Variants in AJAP1 observed in about 807,000 individuals in gnomAD.
AJAP1 encodes the protein adherens junction-associated protein 1.
Under a neutral mutation model 35.0 loss-of-function variants are expected in AJAP1, and 5 were observed. The ratio of observed to expected loss-of-function variants is 0.14; its 90% CI spans 0.07 to 0.30. The LOEUF (loss-of-function observed/expected upper bound fraction) is 0.30, where lower values mean the gene tolerates loss of function less well. Ranked by LOEUF, AJAP1 falls within the 10% of genes least tolerant of loss-of-function variation. AJAP1 has a pLI of 1.00. For synonymous variants in AJAP1, 284 were observed against 249.3 expected (o/e 1.14, Z -1.31); for missense variants, 586 against 571.0 (o/e 1.03, Z -0.27).
At chr1:4,657,473 C>T (rs1162210961) in intron 1 of AJAP1, among the ~76,000 whole-genome samples, 1 of 152,156 alleles carries the variant, frequency 6.6e-6, no homozygotes, top group Non-Finnish European at 1.5e-5. Context: ...TCACAATGGG[C>T]ACCTGGGGAC....
chr1:4,710,837 G>C (rs1010586164), intron 1 of AJAP1, among the ~76,000 whole-genome samples: 1 of 152,224 alleles, frequency 6.6e-6, no homozygotes, highest in Non-Finnish European at 1.5e-5. Flanking sequence ...CCGCGCCCTG[G>C]TTTTCATGTG....
intron 1 of AJAP1, among the ~76,000 whole-genome samples, chr1:4,695,716 C>T (rs1446205407): frequency 6.6e-6 from 1 of 152,164 alleles, no homozygotes; most frequent in Non-Finnish European, 1.5e-5. Flanking sequence ...GGTCTTGGCT[C>T]TGTGTGTCTG....
At chr1:4,673,865 C>T (rs990706028) in intron 1 of AJAP1, among the ~76,000 whole-genome samples, 2 of 151,812 alleles carry the variant, frequency 1.3e-5, no homozygotes, top group African/African-American at 4.8e-5. Context: ...TACTCCTGAG[C>T]CAGGAGCGAG....
chr1:4,658,658 AC>A (rs1291603935), intron 1 of AJAP1, among the ~76,000 whole-genome samples: 2 of 151,864 alleles, frequency 1.3e-5, no homozygotes, highest in South Asian at 2.1e-4. Context: ...ATCGGTACAT[AC>A]CCCCCTTTCA....
At chr1:4,735,220 A>C (rs1045088573) in intron 2 of AJAP1, among the ~76,000 whole-genome samples, 2 of 152,202 alleles carry the variant, frequency 1.3e-5, no homozygotes, top group African/African-American at 2.4e-5. Context: ...AAGACAAGAA[A>C]AGCATACTGG....
chr1:4,765,074 G>A (rs181225182), intron 2 of AJAP1, among the ~76,000 whole-genome samples: 175 of 152,240 alleles, frequency 1.1e-3, no homozygotes, highest in African/African-American at 3.7e-3. Context: ...GATTCCTCAC[G>A]CATTAGTATA....
intron 2 of AJAP1, among the ~76,000 whole-genome samples, chr1:4,758,696 C>T (rs1641494291): frequency 6.6e-6 from 1 of 152,194 alleles, no homozygotes; most frequent in African/African-American, 2.4e-5. Flanking sequence ...AAAACCTAAC[C>T]ATCTCAGGAG....
chr1:4,755,411 A>G (rs1641406176), intron 2 of AJAP1, among the ~76,000 whole-genome samples: 1 of 151,764 alleles, frequency 6.6e-6, no homozygotes, highest in African/African-American at 2.4e-5. Flanking sequence ...AAACAAGGGG[A>G]TAACCGTCTC....
At chr1:4,666,268 A>G (rs552538588) in intron 1 of AJAP1, among the ~76,000 whole-genome samples, 73 of 152,276 alleles carry the variant, frequency 4.8e-4, no homozygotes, top group African/African-American at 1.7e-3. Flanking sequence ...GGAGGAGGGC[A>G]GGGCAGGTGT....
At chr1:4,750,318 C>T (rs1386715430) in intron 2 of AJAP1, among the ~76,000 whole-genome samples, 5 of 152,214 alleles carry the variant, frequency 3.3e-5, no homozygotes, top group Non-Finnish European at 5.9e-5. Flanking sequence ...ACATACTTCT[C>T]GCTGCCAATG....
chr1:4,686,751 T>G (rs1639616100), intron 1 of AJAP1, among the ~76,000 whole-genome samples: 1 of 152,178 alleles, frequency 6.6e-6, no homozygotes, highest in Admixed American at 6.5e-5. Context: ...CCGGCTGAGG[T>G]CAGGAGGCCA....
Position 4,723,458 on chromosome 1 carries a change from G to A in AJAP1, c.829+10759G>A, listed in dbSNP as rs1640570739. On this transcript the variant is annotated intron_variant, in intron 2 of 5. Coordinates refer to ENST00000378191, the MANE Select transcript of AJAP1 (RefSeq NM_018836.4). This position sits in a 1 kb window ranked among gnomAD's most constrained non-coding sequence, Gnocchi z 4.3. ...GGACTGCAAGAGGGGAGAATGAAGGGGCAATTGGGGGTGATAAGGAAGAGC... is the reference window on the plus strand; with the variant it reads ...GGACTGCAAGAGGGGAGAATGAAGGAGCAATTGGGGGTGATAAGGAAGAGC... Among the ~76,000 whole-genome samples the A allele has an allele frequency of 6.6e-6, 1 of 152,138 alleles. No individual in the cohort carries two copies.
At chr1:4,704,153 G>A (rs1163156507) in intron 1 of AJAP1, among the ~76,000 whole-genome samples, 1 of 132,964 alleles carries the variant, frequency 7.5e-6, no homozygotes, top group African/African-American at 2.7e-5. Flanking sequence ...TGCCAAACGG[G>A]GAAGTTTTTT....
chr1:4,684,028 G>C (rs773580985), intron 1 of AJAP1, among the ~76,000 whole-genome samples: 1 of 152,140 alleles, frequency 6.6e-6, no homozygotes, highest in Non-Finnish European at 1.5e-5. Context: ...AGGAAGGAGG[G>C]GAGTGAGCAG....
chr1:4,788,053 A>C lies in AJAP1; in HGVS notation c.*5568A>C. The C allele has an allele frequency of 8.1e-6, 2 of 247,356 alleles. No homozygotes were observed. The highest frequency in any genetic ancestry group is 4.0e-5 in the South Asian group (1 of 25,024). The allele number at this position is 247,356 out of a possible 1,614,324, so 15.3% of individuals were successfully genotyped here. A position where few individuals can be genotyped will look rare whatever the true frequency, so the allele number is the denominator to read the frequency against. On this transcript the variant is annotated 3_prime_UTR_variant, in exon 6 of 6. Transcript: ENST00000378191. ...AGCACAGCCCACATAAATGAGCGAA[A>C]CTCATCATCTGAGGATCTTTGATTA...
intron 5 of AJAP1, among the ~76,000 whole-genome samples, chr1:4,777,046 C>T (rs1270651439): frequency 1.3e-5 from 2 of 152,116 alleles, no homozygotes; most frequent in East Asian, 1.9e-4. Context: ...ATTCTGTTGC[C>T]GATTGCGGGA....
At chr1:4,660,722 T>TA (rs149138785) in intron 1 of AJAP1, among the ~76,000 whole-genome samples, 2,803 of 152,074 alleles carry the variant, frequency 0.018, 92 homozygotes, top group African/African-American at 0.064. Flanking sequence ...GGGAAAGGGG[T>TA]AAAAAAATTG....
intron 5 of AJAP1, among the ~76,000 whole-genome samples, chr1:4,775,123 A>G (rs1408000549): frequency 6.6e-6 from 1 of 152,226 alleles, no homozygotes; most frequent in Admixed American, 6.5e-5. Flanking sequence ...CCGGCACCAA[A>G]ACAGGATGAA....
chr1:4,715,102 G>A (rs1269216125), intron 2 of AJAP1, among the ~76,000 whole-genome samples: 1 of 152,198 alleles, frequency 6.6e-6, no homozygotes, highest in Non-Finnish European at 1.5e-5. Flanking sequence ...GGGACAGAGG[G>A]CTGAACTCCC....
Sources: gnomAD v4.1 joint callset for allele counts (sites outside exome capture counted in the v4.1 genomes callset) on GRCh38, gnomAD v4.1.1 for gene constraint, Gnocchi (gnomAD v3.1) non-coding constraint, MANE v1.5 for transcripts, NCBI Gene and HGNC (gene_info 2026-07-23, HGNC 2026-07-21) for gene names.